The following CERS6 variants were observed in gnomAD, a reference collection of about 807,000 sequenced individuals.
CERS6 encodes ceramide synthase 6, also known as LAG1 homolog, ceramide synthase 6.
CERS6 carries 26 observed loss-of-function variants against 56.8 expected under a neutral mutation model. The ratio of observed to expected loss-of-function variants is 0.46; its 90% CI spans 0.34 to 0.63. The LOEUF (loss-of-function observed/expected upper bound fraction) is 0.63. Among genes scored for constraint, CERS6 ranks in the 30% least tolerant of loss-of-function variants. The probability of loss-of-function intolerance (pLI) is 0.01; values close to 1 mark genes in which losing one functional copy is unlikely to be tolerated. For missense variants in CERS6, 415 were observed against 467.5 expected (o/e 0.89, Z 1.04); for synonymous variants, 164 against 173.3 (o/e 0.95, Z 0.42).
intron 1 of CERS6, among the ~76,000 whole-genome samples, chr2:168,486,086 A>G (rs1315678713): frequency 3.3e-5 from 5 of 151,892 alleles, no homozygotes; most frequent in Non-Finnish European, 7.4e-5. Context: ...TTTAATTTGC[A>G]TTTTCTTAAT....
chr2:168,651,188 G>C (rs1685332517), intron 4 of CERS6, among the ~76,000 whole-genome samples: 1 of 152,212 alleles, frequency 6.6e-6, no homozygotes, highest in African/African-American at 2.4e-5. Flanking sequence ...GCATGCTACA[G>C]TGGGCAGTTT....
intron 8 of CERS6, among the ~76,000 whole-genome samples, chr2:168,727,230 T>C (rs1683378069): frequency 6.6e-6 from 1 of 150,536 alleles, no homozygotes; most frequent in Non-Finnish European, 1.5e-5. Flanking sequence ...GTGGATTTGT[T>C]CTCTCTGAAG....
At chr2:168,563,467 C>T (rs1695828252) in intron 3 of CERS6, among the ~76,000 whole-genome samples, 1 of 152,136 alleles carries the variant, frequency 6.6e-6, no homozygotes, top group African/African-American at 2.4e-5. Flanking sequence ...GACATAATAT[C>T]TGAGTATGTG....
intron 4 of CERS6, chr2:168,644,093 C>T: frequency 1.0e-6 from 1 of 985,194 alleles, no homozygotes; most frequent in Non-Finnish European, 1.2e-6. Flanking sequence ...CCTTAAACAG[C>T]TTACAGGCTA....
chr2:168,751,045 C>G (rs1291921901), intron 8 of CERS6, among the ~76,000 whole-genome samples: 1 of 152,180 alleles, frequency 6.6e-6, no homozygotes, highest in African/African-American at 2.4e-5. Context: ...GCTATAGATG[C>G]AAAACATAGC....
chr2:168,528,209 A>G (rs1331642596), intron 1 of CERS6, among the ~76,000 whole-genome samples: 1 of 152,240 alleles, frequency 6.6e-6, no homozygotes, highest in African/African-American at 2.4e-5. Context: ...TACAGAAGGT[A>G]GTTTCACTGC....
chr2:168,529,077 A>G (rs1411719667), intron 1 of CERS6, among the ~76,000 whole-genome samples: 1 of 152,250 alleles, frequency 6.6e-6, no homozygotes, highest in African/African-American at 2.4e-5. Context: ...CATGGCATCC[A>G]TTGTGCCAGG....
chr2:168,724,576 T>A (rs1331567234), intron 8 of CERS6, among the ~76,000 whole-genome samples: 1 of 150,976 alleles, frequency 6.6e-6, no homozygotes, highest in African/African-American at 2.5e-5. Flanking sequence ...CCCACCAGAT[T>A]AGCTAGATAC....
At position 168,505,748 on chromosome 2, in the gene CERS6, A is replaced by G. The variant is rs567685034; in HGVS notation, c.171-41848A>G. ...CCCCTTGTCTCCCCACAGTACCCCT[A>G]TTCTTGTAATGAAGTAAGGAACTGG... On this transcript the variant is annotated intron_variant, in intron 1 of 9. Transcript: ENST00000305747. 7.9e-5 allele frequency among the ~76,000 whole-genome samples: 12 copies of G among 152,294 alleles called. No individual in the cohort carries two copies. In the South Asian group the frequency reaches 2.3e-3, roughly 29 times the overall value.
chr2:168,696,892 A>G (rs1290930145), intron 6 of CERS6, among the ~76,000 whole-genome samples: 3 of 152,342 alleles, frequency 2.0e-5, no homozygotes, highest in Admixed American at 6.5e-5. Context: ...CCCCATGACT[A>G]TCAGTGTAGC....
chr2:168,460,275 A>G (rs1216355031), intron 1 of CERS6, among the ~76,000 whole-genome samples: 1 of 151,268 alleles, frequency 6.6e-6, no homozygotes, highest in Non-Finnish European at 1.5e-5. Flanking sequence ...GCTCACTGCA[A>G]CCTCCACCTC....
At chr2:168,629,476 C>A (rs1312564213) in intron 3 of CERS6, among the ~76,000 whole-genome samples, 1 of 152,086 alleles carries the variant, frequency 6.6e-6, no homozygotes, top group Non-Finnish European at 1.5e-5. Context: ...ACCCAGTCTC[C>A]CATTATAGAG....
chr2:168,487,342 A>C (rs1269061496), intron 1 of CERS6, among the ~76,000 whole-genome samples: 1 of 152,222 alleles, frequency 6.6e-6, no homozygotes, highest in African/African-American at 2.4e-5. Flanking sequence ...CCCTTGCTTA[A>C]TCTCCTTGTC....
At chr2:168,728,256 A>G (rs977277380) in intron 8 of CERS6, among the ~76,000 whole-genome samples, 4 of 152,178 alleles carry the variant, frequency 2.6e-5, no homozygotes, top group Non-Finnish European at 5.9e-5. Context: ...CTCTCTGGCT[A>G]AGCCATTAAA....
intron 6 of CERS6, among the ~76,000 whole-genome samples, chr2:168,706,206 G>A (rs996658845): frequency 2.6e-5 from 4 of 152,226 alleles, no homozygotes; most frequent in Non-Finnish European, 4.4e-5. Context: ...GGACTCCAGG[G>A]CATTGGAAAT....
intron 8 of CERS6, among the ~76,000 whole-genome samples, chr2:168,734,873 A>G (rs970742205): frequency 2.6e-5 from 4 of 152,180 alleles, no homozygotes; most frequent in African/African-American, 4.8e-5. Context: ...TCAAGCTGCT[A>G]TTTTCACAGT....
chr2:168,655,695 A>G lies in CERS6; in HGVS notation c.465+24653A>G, dbSNP rs1685452828. On this transcript the variant is annotated intron_variant, in intron 4 of 9. Transcript: ENST00000305747. ...CAAATATACAAATACAGAGAATAAA[A>G]CAGCAGCGGGTAGGTGGGTAGGAGG... is the stretch of plus-strand genomic sequence containing the variant. Among the ~76,000 whole-genome samples, 3 of 152,252 alleles carry G rather than the reference A, an allele frequency of 2.0e-5. No homozygotes were observed. The South Asian group carries it at 6.2e-4, about 32-fold the overall frequency.
At chr2:168,557,195 A>T (rs879629982) in intron 2 of CERS6, among the ~76,000 whole-genome samples, 17 of 152,042 alleles carry the variant, frequency 1.1e-4, no homozygotes, top group Admixed American at 1.1e-3. Context: ...AAGATTAAGA[A>T]AGTACCTTAT....
intron 1 of CERS6, among the ~76,000 whole-genome samples, chr2:168,505,408 A>G (rs921948196): frequency 2.6e-5 from 4 of 151,646 alleles, no homozygotes; most frequent in African/African-American, 9.7e-5. Flanking sequence ...AAAAGAAAAA[A>G]AAAGAAATAT....
Sources: gnomAD v4.1 joint callset for allele counts (sites outside exome capture counted in the v4.1 genomes callset) on GRCh38, gnomAD v4.1.1 for gene constraint, MANE v1.5 for transcripts, NCBI Gene and HGNC (gene_info 2026-07-23, HGNC 2026-07-21) for gene names.